Variants in SOX5 observed in about 807,000 individuals in gnomAD.
The protein encoded by SOX5 is transcription factor SOX-5.
Under a neutral mutation model 92.0 loss-of-function variants are expected in SOX5, and 9 were observed. The observed-to-expected ratio is 0.10, with a 90% CI of 0.06 to 0.17. The LOEUF (loss-of-function observed/expected upper bound fraction) is 0.17. Ranked by LOEUF, SOX5 falls within the 10% of genes least tolerant of loss-of-function variation. The pLI is 1.00. For synonymous variants in SOX5, 344 were observed against 336.3 expected (o/e 1.02, Z -0.25); for missense variants, 642 against 944.5 (o/e 0.68, Z 4.20).
chr12:23,802,505 T>A (rs936042205), intron 3 of SOX5, among the ~76,000 whole-genome samples: 1 of 151,908 alleles, frequency 6.6e-6, no homozygotes, highest in Non-Finnish European at 1.5e-5. Flanking sequence ...TTTTTTTTTT[T>A]AACCAATTTT....
At chr12:24,373,707 T>C (rs1197551006) in intron 1 of SOX5, among the ~76,000 whole-genome samples, 1 of 152,208 alleles carries the variant, frequency 6.6e-6, no homozygotes, top group East Asian at 1.9e-4. Flanking sequence ...TGTAAGTAGA[T>C]ATAGATTCTT....
intron 2 of SOX5, among the ~76,000 whole-genome samples, chr12:24,346,741 G>A (rs1285289612): frequency 1.3e-5 from 2 of 152,060 alleles, no homozygotes; most frequent in African/African-American, 2.4e-5. Flanking sequence ...ATCAGTTACC[G>A]TGCCTGGCTT....
At chr12:24,303,198 C>T (rs1432877317) in intron 2 of SOX5, among the ~76,000 whole-genome samples, 2 of 152,090 alleles carry the variant, frequency 1.3e-5, no homozygotes, top group Non-Finnish European at 1.5e-5. Context: ...TTCTTGGCCA[C>T]ATAAAATTTT....
chr12:24,123,779 T>C lies in SOX5; in HGVS notation c.-2+89564A>G, dbSNP rs1354415978. Reference sequence around the variant, plus strand: ...CAAAACAGAGAAACAGTTACAATTGTGTGTACCAAAGCAAACTGCATATCA... The same window carrying C: ...CAAAACAGAGAAACAGTTACAATTGCGTGTACCAAAGCAAACTGCATATCA... On this transcript the variant is annotated intron_variant, in intron 4 of 4. Transcript: ENST00000446891. Among the ~76,000 whole-genome samples the C allele has an allele frequency of 2.6e-5, 4 of 152,198 alleles. No homozygotes were observed. The South Asian group carries it at 8.3e-4, about 32-fold the overall frequency.
intron 4 of SOX5, among the ~76,000 whole-genome samples, chr12:24,197,108 C>G (rs1360264641): frequency 6.6e-6 from 1 of 151,916 alleles, no homozygotes; most frequent in East Asian, 1.9e-4. Flanking sequence ...ATCCTCATAA[C>G]TAACTGTTTG....
intron 2 of SOX5, among the ~76,000 whole-genome samples, chr12:23,854,150 T>A (rs1217145616): frequency 2.0e-5 from 3 of 152,122 alleles, no homozygotes; most frequent in Non-Finnish European, 4.4e-5. Flanking sequence ...TAGAGTTGCT[T>A]AAGTATAGAA....
chr12:23,674,991 C>T (rs540380288), intron 6 of SOX5, among the ~76,000 whole-genome samples: 7 of 152,116 alleles, frequency 4.6e-5, no homozygotes, highest in African/African-American at 1.2e-4. Flanking sequence ...AATTGTTAGT[C>T]GGCTTTGCCT....
intron 1 of SOX5, among the ~76,000 whole-genome samples, chr12:23,913,607 C>T (rs1348921514): frequency 3.3e-5 from 5 of 151,716 alleles, no homozygotes. Flanking sequence ...GTGGTGGCAT[C>T]CACCTATAAT....
intron 1 of SOX5, among the ~76,000 whole-genome samples, chr12:24,444,982 C>G (rs1941240455): frequency 6.6e-6 from 1 of 152,166 alleles, no homozygotes. Flanking sequence ...AAAGACAACA[C>G]TACAGCAACA....
intron 1 of SOX5, among the ~76,000 whole-genome samples, chr12:23,897,823 A>T (rs987532955): frequency 6.6e-6 from 1 of 152,198 alleles, no homozygotes; most frequent in Non-Finnish European, 1.5e-5. Context: ...AAAGAAACAG[A>T]CAAAGAGGAG....
At chr12:24,188,674 C>T (rs545621848) in intron 4 of SOX5, among the ~76,000 whole-genome samples, 12 of 152,042 alleles carry the variant, frequency 7.9e-5, no homozygotes, top group Non-Finnish European at 1.6e-4. Flanking sequence ...AAGGCCAAAG[C>T]ACAGAGTCTT....
intron 7 of SOX5, among the ~76,000 whole-genome samples, chr12:23,655,674 T>A (rs2082218723): frequency 6.6e-6 from 1 of 152,106 alleles, no homozygotes; most frequent in Non-Finnish European, 1.5e-5. Context: ...GGGTCTGAGG[T>A]TCACAGGTGA....
intron 4 of SOX5, among the ~76,000 whole-genome samples, chr12:24,132,337 A>G (rs1180444726): frequency 6.6e-6 from 1 of 152,198 alleles, no homozygotes; most frequent in Non-Finnish European, 1.5e-5. Context: ...TCCCAACAGG[A>G]TAACTAACCT....
intron 2 of SOX5, among the ~76,000 whole-genome samples, chr12:24,305,477 G>A (rs1948462779): frequency 6.6e-6 from 1 of 152,186 alleles, no homozygotes; most frequent in African/African-American, 2.4e-5. Context: ...GATAAAGAGT[G>A]TCTGCTACGA....
chr12:23,890,179 G>A (rs550812448), intron 2 of SOX5, among the ~76,000 whole-genome samples: 1 of 152,038 alleles, frequency 6.6e-6, no homozygotes, highest in Non-Finnish European at 1.5e-5. Context: ...AATTAGTTGC[G>A]CATGGTGGCG....
chr12:24,385,926 C>CAAAAAAAAAAAAAAAAA (rs35813329), intron 1 of SOX5, among the ~76,000 whole-genome samples: 4 of 73,394 alleles, frequency 5.5e-5, no homozygotes, highest in African/African-American at 1.2e-4. Flanking sequence ...GACCTTGTCA[C>CAAAAAAAAAAAAAAAAA]AAAAAAAAAA....
intron 3 of SOX5, among the ~76,000 whole-genome samples, chr12:24,220,622 A>C (rs934221351): frequency 6.6e-6 from 1 of 152,196 alleles, no homozygotes; most frequent in South Asian, 2.1e-4. Flanking sequence ...GTTGGCACCT[A>C]GTCCCCTCAT....
chr12:23,573,837 C>T (rs538235120), intron 10 of SOX5, among the ~76,000 whole-genome samples: 39 of 152,082 alleles, frequency 2.6e-4, no homozygotes, highest in Non-Finnish European at 4.0e-4. Context: ...ACAAGCAGCC[C>T]TAGGGACAGG....
chr12:24,307,368 C>T (rs57717368), intron 2 of SOX5, among the ~76,000 whole-genome samples: 1,884 of 151,998 alleles, frequency 0.012, 37 homozygotes, highest in African/African-American at 0.044. Flanking sequence ...TATACACAGA[C>T]TCTGACTCAA....
Sources: allele counts gnomAD v4.1 joint callset (sites outside exome capture counted in the v4.1 genomes callset), GRCh38; gene constraint gnomAD v4.1.1; transcripts MANE v1.5; gene names NCBI Gene and HGNC (gene_info 2026-07-23, HGNC 2026-07-21).